USP48: variants seen among roughly 807,000 people sequenced by gnomAD.
USP48 encodes ubiquitin specific peptidase 48.
Under a neutral mutation model 150.7 loss-of-function variants are expected in USP48, and 43 were observed. The observed-to-expected ratio is 0.29, with a 90% CI of 0.22 to 0.37. The LOEUF is 0.37. USP48 is among the 10% of genes least tolerant of loss of function. The pLI, the probability that USP48 is intolerant of heterozygous loss-of-function variation, is 1.00. For synonymous variants in USP48, 396 were observed against 425.9 expected (o/e 0.93, Z 0.86); for missense variants, 813 against 1,249.6 (o/e 0.65, Z 5.27).
intron 9 of USP48, among the ~76,000 whole-genome samples, chr1:21,730,183 G>A (rs923166769): frequency 2.0e-5 from 3 of 152,144 alleles, no homozygotes; most frequent in Admixed American, 2.0e-4. Context: ...GCTCATGCTT[G>A]TAATCATAGC....
At chr1:21,706,220 C>T in intron 17 of USP48, 33 bp from the exon 18 acceptor site, 1 of 1,604,486 alleles carries the variant, frequency 6.2e-7, no homozygotes, top group South Asian at 1.1e-5. Flanking sequence ...CAGTATCCGT[C>T]AATTCACCGC....
At chr1:21,688,243 G>A (rs2097584964) in intron 24 of USP48, among the ~76,000 whole-genome samples, 1 of 151,940 alleles carries the variant, frequency 6.6e-6, no homozygotes, top group South Asian at 2.1e-4. Context: ...TTTTGAGACG[G>A]AGTCTCCCTC....
chr1:21,780,016 A>C (rs1455095820), intron 1 of USP48, among the ~76,000 whole-genome samples: 1 of 152,202 alleles, frequency 6.6e-6, no homozygotes, highest in Non-Finnish European at 1.5e-5. Flanking sequence ...GGTTCGGTTA[A>C]GTTAAACACA....
chr1:21,713,814 C>A (rs1466210162), intron 15 of USP48, among the ~76,000 whole-genome samples: 1 of 152,180 alleles, frequency 6.6e-6, no homozygotes, highest in Non-Finnish European at 1.5e-5. Context: ...TCTTCTCCTG[C>A]TGTGCACCTG....
chr1:21,767,615 G>A (rs572169710), intron 1 of USP48, among the ~76,000 whole-genome samples: 2 of 150,346 alleles, frequency 1.3e-5, no homozygotes, highest in South Asian at 4.2e-4. Context: ...GAGCCACCGC[G>A]ACCCGGCCAG....
chr1:21,720,640 G>A (rs926520018), intron 14 of USP48, among the ~76,000 whole-genome samples: 1 of 151,872 alleles, frequency 6.6e-6, no homozygotes, highest in African/African-American at 2.4e-5. Context: ...CGATTCTACT[G>A]CCTCAGCCTC....
intron 15 of USP48, among the ~76,000 whole-genome samples, chr1:21,711,620 G>A (rs757864055): frequency 2.0e-5 from 3 of 152,286 alleles, no homozygotes; most frequent in Admixed American, 6.5e-5. Context: ...AGATACTTAC[G>A]GAAAAACCTT....
At chr1:21,699,710 T>A (rs2097649542) in intron 22 of USP48, among the ~76,000 whole-genome samples, 1 of 151,648 alleles carries the variant, frequency 6.6e-6, no homozygotes, top group Admixed American at 6.6e-5. Context: ...AGAGACGGGT[T>A]TCACTATGTT....
At chr1:21,761,197 T>G (rs1572009666) in intron 1 of USP48, among the ~76,000 whole-genome samples, 1 of 152,070 alleles carries the variant, frequency 6.6e-6, no homozygotes, top group Non-Finnish European at 1.5e-5. Flanking sequence ...TTTGTTTAGA[T>G]AGAAGAGTAC....
At chr1:21,755,371 G>A (rs1462951505) in intron 3 of USP48, among the ~76,000 whole-genome samples, 6 of 151,946 alleles carry the variant, frequency 3.9e-5, no homozygotes, top group African/African-American at 1.5e-4. Context: ...GACCAGCCTG[G>A]GCAACATGGT....
intron 1 of USP48, among the ~76,000 whole-genome samples, chr1:21,773,494 C>T (rs1171624591): frequency 1.3e-5 from 2 of 151,952 alleles, no homozygotes; most frequent in East Asian, 3.9e-4. Flanking sequence ...GATCCTATCT[C>T]TATAAAACTA....
intron 21 of USP48, among the ~76,000 whole-genome samples, chr1:21,702,272 T>C (rs1351721142): frequency 6.6e-6 from 1 of 152,070 alleles, no homozygotes; most frequent in African/African-American, 2.4e-5. Context: ...TTCTAAAAAA[T>C]GTGTTTGGAA....
At chr1:21,691,054 C>T (rs1217143334) in intron 23 of USP48, among the ~76,000 whole-genome samples, 1 of 152,098 alleles carries the variant, frequency 6.6e-6, no homozygotes, top group Non-Finnish European at 1.5e-5. Flanking sequence ...GTGGCTCTCG[C>T]CTGTAATCCC....
intron 22 of USP48, among the ~76,000 whole-genome samples, chr1:21,698,276 A>G (rs2097643561): frequency 6.6e-6 from 1 of 152,198 alleles, no homozygotes; most frequent in African/African-American, 2.4e-5. Flanking sequence ...AAAATGTAAA[A>G]CATTTTAGAG....
intron 10 of USP48, among the ~76,000 whole-genome samples, chr1:21,729,296 A>AC (rs1331352233): frequency 6.6e-6 from 1 of 151,826 alleles, no homozygotes; most frequent in Non-Finnish European, 1.5e-5. Context: ...AAAAAAAAAA[A>AC]AGAAAGAATA....
intron 8 of USP48, among the ~76,000 whole-genome samples, chr1:21,743,759 C>T (rs1430008043): frequency 1.3e-5 from 2 of 152,052 alleles, no homozygotes. Flanking sequence ...CTGGGGAGTA[C>T]ACATAATTCA....
chr1:21,771,775 C>G (rs990590474), intron 1 of USP48, among the ~76,000 whole-genome samples: 1 of 139,918 alleles, frequency 7.1e-6, no homozygotes, highest in East Asian at 2.1e-4. Flanking sequence ...CAAAATTAGC[C>G]GGGCGTGGTG....
intron 7 of USP48, 149 bp downstream of exon 7, chr1:21,747,989 C>A (rs1188417176): frequency 3.7e-6 from 3 of 811,166 alleles, no homozygotes; most frequent in Non-Finnish European, 5.1e-6. Flanking sequence ...CATGAAATAT[C>A]GACATTTCAA....
rs1291160056 is a variant in USP48 at position 21,762,618 on chromosome 1, A to G, written c.135-4835T>C. ...CGCGGTGGCTCACGCCTGTAATCCC[A>G]GCACTTTGGGAGGCGGAGGCGGGTG... On this transcript the variant is annotated intron_variant, in intron 1 of 26. Transcript: ENST00000308271. Among the ~76,000 whole-genome samples, 2 of 152,216 alleles carry G rather than the reference A, an allele frequency of 1.3e-5. 1 individual carries two copies. Among genetic ancestry groups the G allele is most frequent in the Non-Finnish European group, 2.9e-5 (2 of 68,046 alleles).
Sources: allele counts gnomAD v4.1 joint callset (sites outside exome capture counted in the v4.1 genomes callset), GRCh38; gene constraint gnomAD v4.1.1; transcripts MANE v1.5; gene names NCBI Gene and HGNC (gene_info 2026-07-23, HGNC 2026-07-21).